APC: variants seen among roughly 807,000 people sequenced by gnomAD.
The protein encoded by APC is adenomatous polyposis coli protein.
Under a neutral mutation model 247.0 loss-of-function variants are expected in APC, and 72 were observed. That is an observed-to-expected ratio of 0.29 (90% CI 0.24 to 0.35). APC has a LOEUF of 0.35. APC is among the 10% of genes least tolerant of loss of function. The pLI, the probability that APC is intolerant of heterozygous loss-of-function variation, is 1.00. For synonymous variants in APC, 1,254 were observed against 1,162.5 expected, an observed-to-expected ratio of 1.08 and a Z score of -1.60; for missense variants, 3,400 against 3,360.7, an observed-to-expected ratio of 1.01 and a Z score of -0.29.
Position 112,843,220 on chromosome 5 carries a change from TAGGTC to T in APC, c.7630_7634del (p.Ser2544AsnfsTer5). Reference sequence around the variant, plus strand: ...AAAGTCCTTCTAGACTTCCAATCAATAGGTCAGGAACCTGGAAACGTGAGCACAGC... The same window carrying T: ...AAAGTCCTTCTAGACTTCCAATCAATAGGAACCTGGAAACGTGAGCACAGC... On this transcript the variant is annotated frameshift_variant, in exon 16 of 16. Transcript: ENST00000257430. LOFTEE classifies it high-confidence loss of function. This position sits in a 1 kb window ranked among gnomAD's most constrained non-coding sequence, Gnocchi z 4.8. 1 of 1,613,848 alleles carries T rather than the reference TAGGTC, an allele frequency of 6.2e-7. No homozygotes were observed. Among genetic ancestry groups the T allele is most frequent in the Non-Finnish European group, 8.5e-7 (1 of 1,179,776 alleles).
chr5:112,758,712 C>T (rs555018855), intron 2 of APC, among the ~76,000 whole-genome samples: 34 of 151,816 alleles, frequency 2.2e-4, no homozygotes, highest in African/African-American at 6.5e-4. Context: ...CTGCAGCCTC[C>T]ACCTCCTGGG....
At chr5:112,782,556 T>G (rs546390422) in intron 6 of APC, among the ~76,000 whole-genome samples, 1 of 152,336 alleles carries the variant, frequency 6.6e-6, no homozygotes, top group East Asian at 1.9e-4. Flanking sequence ...TGCATGTGCA[T>G]GTATGTGTAC....
At chr5:112,731,540 T>C (rs1345003813) in intron 1 of APC, among the ~76,000 whole-genome samples, 1 of 152,162 alleles carries the variant, frequency 6.6e-6, no homozygotes, top group African/African-American at 2.4e-5. Context: ...TACCTCCCAT[T>C]AGGCTGCAGC....
At chr5:112,785,000 G>T (rs909425093) in intron 6 of APC, among the ~76,000 whole-genome samples, 4 of 152,030 alleles carry the variant, frequency 2.6e-5, no homozygotes, top group African/African-American at 9.7e-5. Context: ...GGAATTAGAG[G>T]TTGCAGTGAG....
At position 112,818,773 on chromosome 5, in the gene APC, T is replaced by C. The variant is rs552872438; in HGVS notation, c.934-193T>C. ...TTTACTCACATAAACAAATTGGTGA[T>C]GATACATAGATTTTGAAATAACACT... On this transcript the variant is annotated intron_variant, in intron 9 of 15. Coordinates refer to ENST00000257430, the MANE Select transcript of APC (RefSeq NM_000038.6). Among the ~76,000 whole-genome samples, 5 of 151,868 alleles carry C rather than the reference T, an allele frequency of 3.3e-5. No homozygotes were observed. The East Asian group carries it at 9.7e-4, about 30-fold the overall frequency.
chr5:112,804,381 G>A (rs1267791544), intron 8 of APC, among the ~76,000 whole-genome samples: 2 of 152,062 alleles, frequency 1.3e-5, no homozygotes, highest in Non-Finnish European at 2.9e-5. Context: ...ATTGACTTAG[G>A]TAATTATAAC....
chr5:112,714,841 G>A (rs1001175714), intron 1 of APC, among the ~76,000 whole-genome samples: 28 of 151,934 alleles, frequency 1.8e-4, no homozygotes, highest in African/African-American at 6.8e-4. Flanking sequence ...CTTAATTATT[G>A]TATTCTTAAT....
intron 1 of APC, among the ~76,000 whole-genome samples, chr5:112,745,606 G>A (rs943602833): frequency 2.6e-5 from 4 of 151,624 alleles, no homozygotes; most frequent in Admixed American, 2.0e-4. Flanking sequence ...CTCTGTCGCC[G>A]AGGCTGGAGT....
chr5:112,764,227 C>G (rs1756007450), intron 2 of APC, among the ~76,000 whole-genome samples: 1 of 135,620 alleles, frequency 7.4e-6, no homozygotes, highest in South Asian at 2.4e-4. Flanking sequence ...GCCTGGGCGA[C>G]AGAGCGAGAC....
intron 8 of APC, among the ~76,000 whole-genome samples, chr5:112,809,484 G>T (rs950175661): frequency 6.6e-6 from 1 of 151,120 alleles, no homozygotes; most frequent in Non-Finnish European, 1.5e-5. Flanking sequence ...GTGAGAAGAT[G>T]AATACCTAGC....
intron 8 of APC, chr5:112,810,135 A>G (rs1321908304): frequency 2.2e-6 from 1 of 456,060 alleles, no homozygotes; most frequent in East Asian, 6.9e-5. Context: ...GATAGAAAAG[A>G]TGAGGATGTT....
At chr5:112,762,800 A>G (rs921702768) in intron 2 of APC, among the ~76,000 whole-genome samples, 1 of 152,208 alleles carries the variant, frequency 6.6e-6, no homozygotes, top group Non-Finnish European at 1.5e-5. Context: ...GGATTAGTGT[A>G]TTTTACATAT....
rs774764623 is a variant in APC at position 112,819,055 on chromosome 5, A to C, written c.1023A>C (p.Gln341His). 1.9e-6 allele frequency: 3 copies of C among 1,614,106 alleles called. No individual in the cohort carries two copies. The highest frequency in any genetic ancestry group is 2.5e-6 in the Non-Finnish European group (3 of 1,179,996). The change falls in exon 10 of 16, where the codon CAA becomes CAC. Residue 341 changes from glutamine (Q) to histidine (H), a missense_variant. Gln to His is a conservative substitution (Grantham distance 24). This residue lies in a region of APC where 199 missense variants were observed against 212.5 expected (regional missense o/e 0.94). Coordinates refer to ENST00000257430, the MANE Select transcript of APC (RefSeq NM_000038.6). The part of the protein sequence containing the change: ...SRTLLAMSSS[Q>H]DSCISMRQSG... ...CTTTGCTAGCTATGTCTAGCTCCCAAGACAGCTGTATATCCATGCGACAGT... is the reference window on the plus strand; with the variant it reads ...CTTTGCTAGCTATGTCTAGCTCCCACGACAGCTGTATATCCATGCGACAGT...
intron 8 of APC, among the ~76,000 whole-genome samples, chr5:112,807,874 G>T (rs181227837): frequency 6.6e-6 from 1 of 152,172 alleles, no homozygotes; most frequent in East Asian, 1.9e-4. Context: ...TACATAACTG[G>T]CCAGGTGTGG....
chr5:112,725,562 G>A (rs1482891204), intron 1 of APC, among the ~76,000 whole-genome samples: 4 of 151,578 alleles, frequency 2.6e-5, no homozygotes, highest in East Asian at 1.9e-4. Flanking sequence ...GAGACCAGCC[G>A]GGGCAACATG....
intron 1 of APC, among the ~76,000 whole-genome samples, chr5:112,739,099 A>G (rs1419631026): frequency 1.3e-5 from 2 of 152,206 alleles, no homozygotes; most frequent in African/African-American, 4.8e-5. Context: ...CTTTTAGATA[A>G]CACTGAATAA....
Position 112,845,314 on chromosome 5 carries a change from C to G in APC, c.*1188C>G, listed in dbSNP as rs537762138. On this transcript the variant is annotated 3_prime_UTR_variant, in exon 16 of 16. Coordinates refer to ENST00000257430, the MANE Select transcript of APC (RefSeq NM_000038.6). ...AGCAATGCAAGCAGCCTAGCACAGA[C>G]TAAGCATTGAGCATAATAGGCCCAC... 38 of 232,788 alleles carry G rather than the reference C, an allele frequency of 1.6e-4. No homozygotes were observed. Among genetic ancestry groups the G allele is most frequent in the African/African-American group, 8.1e-4 (37 of 45,408 alleles). 14.4% of individuals were successfully genotyped at this position (232,788 alleles called of 1,614,324 possible). A position where few individuals can be genotyped will look rare whatever the true frequency, so the allele number is the denominator to read the frequency against.
intron 1 of APC, among the ~76,000 whole-genome samples, chr5:112,727,061 G>A (rs942304764): frequency 2.5e-4 from 38 of 151,436 alleles, no homozygotes; most frequent in African/African-American, 7.0e-4. Context: ...AAATAATTGC[G>A]GTTTTTGCCA....
Position 112,838,140 on chromosome 5 carries a change from A to G in APC, c.2546A>G (p.Asp849Gly), listed in dbSNP as rs876660629. Residue 849 changes from aspartate (D) to glycine (G), a missense_variant, in exon 16 of 16, where the codon GAT (aspartate) becomes GGT (glycine). Physicochemically the swap from Asp to Gly is moderately conservative, Grantham distance 94 (BLOSUM62 -1). This residue lies in a region of APC where 715 missense variants were observed against 656.6 expected (regional missense o/e 1.09). Transcript: ENST00000257430. ...GSLDSSRSEK[D>G]RSLERERGIG... ...TTAGATAGTTCTCGTTCTGAAAAAG[A>G]TAGAAGTTTGGAGAGAGAACGCGGA... is the stretch of plus-strand genomic sequence containing the variant. The G allele has an allele frequency of 6.2e-7, 1 of 1,614,172 alleles. No individual in the cohort carries two copies.
Sources: gnomAD v4.1 joint callset for allele counts (sites outside exome capture counted in the v4.1 genomes callset) on GRCh38, gnomAD v4.1.1 for gene constraint, gnomAD v4.1.1 regional missense constraint, Gnocchi (gnomAD v3.1) non-coding constraint, MANE v1.5 for transcripts, NCBI Gene and HGNC (gene_info 2026-07-23, HGNC 2026-07-21) for gene names.